MROH7: variants seen among roughly 807,000 people sequenced by gnomAD.
MROH7 encodes maestro heat-like repeat-containing protein family member 7.
In MROH7, 113 loss-of-function variants were observed where a neutral mutation model predicts 129.2. That is an observed-to-expected ratio of 0.87 (90% CI 0.75 to 1.02). The LOEUF is 1.02. MROH7 is among the 50% of genes least tolerant of loss of function. The pLI, the probability that MROH7 is intolerant of heterozygous loss-of-function variation, is 0.00. For synonymous variants in MROH7, 655 were observed against 667.9 expected (o/e 0.98, Z 0.30); for missense variants, 1,601 against 1,671.3 (o/e 0.96, Z 0.73).
chr1:54,689,200 T>C (rs1332331454), intron 15 of MROH7, among the ~76,000 whole-genome samples: 1 of 152,130 alleles, frequency 6.6e-6, no homozygotes, highest in Non-Finnish European at 1.5e-5. Context: ...CCAAGGGGCC[T>C]TATAAGGAGA....
intron 7 of MROH7, among the ~76,000 whole-genome samples, chr1:54,672,127 TG>T (rs1185874132): frequency 6.6e-6 from 1 of 151,796 alleles, no homozygotes; most frequent in East Asian, 1.9e-4. Context: ...ATCCCGGAGG[TG>T]GTGCCCTTGG....
rs142249963 is a variant in MROH7, at chr1:54,646,236, G to A, written c.-110+4268G>A. On this transcript the variant is annotated intron_variant, in intron 1 of 23. Transcript: ENST00000421030. ...AGAGATCCAGGGTTCTGCTGACATT[G>A]CCACTGCAGGTTGGATTGGTCTGTC... is the stretch of plus-strand genomic sequence containing the variant. 1.5e-3 allele frequency among the ~76,000 whole-genome samples: 222 copies of A among 152,362 alleles called. 1 individual carries two copies. The highest frequency in any genetic ancestry group is 2.2e-3 in the Non-Finnish European group (147 of 68,034).
intron 3 of MROH7, chr1:54,664,125 G>T: frequency 5.8e-6 from 1 of 172,692 alleles, no homozygotes; most frequent in Non-Finnish European, 1.2e-5. Context: ...TGGAGCTTGG[G>T]TCCCAGGCCC....
At chr1:54,679,803 AC>A in intron 12 of MROH7, 87 bp from the exon 13 acceptor site, 2 of 1,296,870 alleles carry the variant, frequency 1.5e-6, no homozygotes, top group Non-Finnish European at 2.2e-6. Flanking sequence ...CTAGCCTGTC[AC>A]CCCCTTCCCT....
chr1:54,689,317 A>T (rs1287315480), intron 15 of MROH7, among the ~76,000 whole-genome samples: 5 of 152,202 alleles, frequency 3.3e-5, no homozygotes, highest in African/African-American at 9.6e-5. Flanking sequence ...TAGGCAAGGA[A>T]GCATTCTCCC....
At chr1:54,695,618 T>C (rs1462543851) in intron 17 of MROH7, 128 bp downstream of exon 17, 6 of 722,478 alleles carry the variant, frequency 8.3e-6, no homozygotes, top group East Asian at 8.1e-5. Context: ...TGACTTCTCT[T>C]GACTATGATG....
At chr1:54,665,270 T>C (rs1235710736) in intron 4 of MROH7, 30 bp downstream of exon 4, 2 of 1,589,446 alleles carry the variant, frequency 1.3e-6, no homozygotes, top group Admixed American at 1.7e-5. Context: ...CCTAGCTGAC[T>C]GTGCTGGGAT....
Position 54,651,997 on chromosome 1 carries a change from A to G in MROH7, c.-75+14A>G, listed in dbSNP as rs1302165055. ...CCATGCATGCAGGTGAGCTGTCCCTATGATTCCCACAGGGAGGGTAGCCCC... is the reference window on the plus strand; with the variant it reads ...CCATGCATGCAGGTGAGCTGTCCCTGTGATTCCCACAGGGAGGGTAGCCCC... On this transcript the variant is annotated intron_variant, in intron 2 of 23. Coordinates refer to ENST00000421030, the MANE Select transcript of MROH7 (RefSeq NM_001039464.4). 3.3e-5 allele frequency: 5 copies of G among 152,426 alleles called. No individual in the cohort carries two copies. The highest frequency in any genetic ancestry group is 2.1e-4 in the South Asian group (1 of 4,800). 9.4% of individuals were successfully genotyped at this position (152,426 alleles called of 1,614,324 possible). A position where few individuals can be genotyped will look rare whatever the true frequency, so the allele number is the denominator to read the frequency against.
At position 54,650,507 on chromosome 1, in the gene MROH7, C is replaced by T. The variant is rs187946979; in HGVS notation, c.-109-1442C>T. ...CCACCCATTGCCCTTCTCTTATTTCCTCCTCCTTTCCCTCTGGCCTTCCTC... is the reference window on the plus strand; with the variant it reads ...CCACCCATTGCCCTTCTCTTATTTCTTCCTCCTTTCCCTCTGGCCTTCCTC... On this transcript the variant is annotated intron_variant, in intron 1 of 23. Transcript: ENST00000421030. 3.0e-4 allele frequency among the ~76,000 whole-genome samples: 44 copies of T among 148,912 alleles called. 1 individual carries two copies. In the East Asian group the frequency reaches 8.5e-3, roughly 29 times the overall value.
At chr1:54,670,713 A>G in intron 6 of MROH7, 87 bp from the exon 7 acceptor site, 1 of 928,932 alleles carries the variant, frequency 1.1e-6, no homozygotes, top group South Asian at 2.1e-5. Context: ...CCCCTTGCCC[A>G]GTCCCTGTGC....
intron 1 of MROH7, among the ~76,000 whole-genome samples, chr1:54,648,610 C>T (rs1442705021): frequency 1.3e-5 from 2 of 149,342 alleles, no homozygotes; most frequent in Admixed American, 1.3e-4. Context: ...AGATGATCCA[C>T]CCAGCTCGGC....
At chr1:54,663,702 C>CAAA (rs796285251) in intron 3 of MROH7, 18 of 191,518 alleles carry the variant, frequency 9.4e-5, no homozygotes, top group Middle Eastern at 1.8e-3. Flanking sequence ...AAAAAAAAAA[C>CAAA]AAAAAAAAAA....
intron 15 of MROH7, among the ~76,000 whole-genome samples, chr1:54,691,713 C>T (rs1393744349): frequency 6.8e-6 from 1 of 147,546 alleles, no homozygotes; most frequent in Non-Finnish European, 1.5e-5. Flanking sequence ...GGCTGAGGCA[C>T]GAGAATTGCT....
chr1:54,672,597 A>G (rs769873338), intron 7 of MROH7, among the ~76,000 whole-genome samples: 5 of 151,996 alleles, frequency 3.3e-5, no homozygotes, highest in Non-Finnish European at 7.4e-5. Context: ...AAAGAATCAG[A>G]GCATTTCCCC....
intron 1 of MROH7, among the ~76,000 whole-genome samples, chr1:54,648,344 AT>A (rs760649194): frequency 4.1e-5 from 4 of 98,032 alleles, no homozygotes; most frequent in Non-Finnish European, 7.9e-5. Flanking sequence ...AATTTTATTT[AT>A]TTATTTATTT....
chr1:54,695,145 G>A (rs929538933), intron 16 of MROH7, among the ~76,000 whole-genome samples: 1 of 152,136 alleles, frequency 6.6e-6, no homozygotes, highest in African/African-American at 2.4e-5. Context: ...GATTTGTGCT[G>A]TGCCCTCAGG....
At chr1:54,672,824 T>C (rs1445381350) in intron 7 of MROH7, among the ~76,000 whole-genome samples, 1 of 152,176 alleles carries the variant, frequency 6.6e-6, no homozygotes, top group Non-Finnish European at 1.5e-5. Context: ...TGGTAGATTC[T>C]CAGTATATGC....
intron 4 of MROH7, among the ~76,000 whole-genome samples, chr1:54,666,196 G>A (rs1193542087): frequency 1.3e-5 from 2 of 152,156 alleles, no homozygotes; most frequent in African/African-American, 4.8e-5. Flanking sequence ...GGGGCCAAGG[G>A]AAAATGTCCC....
chr1:54,700,687 G>A (rs1037801688), intron 18 of MROH7, among the ~76,000 whole-genome samples: 5 of 152,230 alleles, frequency 3.3e-5, no homozygotes, highest in Admixed American at 6.5e-5. Flanking sequence ...TCTAAAGGCA[G>A]TGTGTATAGG....
Sources: gnomAD v4.1 joint callset for allele counts (sites outside exome capture counted in the v4.1 genomes callset) on GRCh38, gnomAD v4.1.1 for gene constraint, MANE v1.5 for transcripts, NCBI Gene and HGNC (gene_info 2026-07-23, HGNC 2026-07-21) for gene names.